The following HOMER1 variants were observed in gnomAD, a reference collection of about 807,000 sequenced individuals.
HOMER1 encodes homer protein homolog 1.
In HOMER1, 3 loss-of-function variants were observed where a neutral mutation model predicts 48.9. That is an observed-to-expected ratio of 0.06 (90% CI 0.03 to 0.16). HOMER1 has a LOEUF of 0.16. Among genes scored for constraint, HOMER1 ranks in the 10% least tolerant of loss-of-function variants. The probability of loss-of-function intolerance (pLI) is 1.00; values close to 1 mark genes in which losing one functional copy is unlikely to be tolerated. For synonymous variants in HOMER1, 134 were observed against 146.4 expected, an observed-to-expected ratio of 0.92 and a Z score of 0.61; for missense variants, 247 against 411.4, an observed-to-expected ratio of 0.60 and a Z score of 3.46.
intron 1 of HOMER1, among the ~76,000 whole-genome samples, chr5:79,491,906 G>A (rs985489446): frequency 5.9e-5 from 9 of 152,134 alleles, no homozygotes; most frequent in Admixed American, 2.0e-4. Flanking sequence ...CAAAACCTAA[G>A]TAACTTGCCC....
chr5:79,429,998 G>C (rs576304166), intron 5 of HOMER1, among the ~76,000 whole-genome samples: 1 of 150,744 alleles, frequency 6.6e-6, no homozygotes, highest in Admixed American at 6.6e-5. Flanking sequence ...ACTCCAGCCT[G>C]GGGGACAGAG....
chr5:79,376,710 C>G (rs1003511670), intron 8 of HOMER1, among the ~76,000 whole-genome samples: 1 of 152,022 alleles, frequency 6.6e-6, no homozygotes, highest in Non-Finnish European at 1.5e-5. Context: ...TTTGCTTTGC[C>G]TCAATATCAA....
At chr5:79,392,988 A>AGAGAGAGAGAGG (rs56107183) in intron 8 of HOMER1, among the ~76,000 whole-genome samples, 2 of 134,670 alleles carry the variant, frequency 1.5e-5, no homozygotes, top group African/African-American at 2.8e-5. Flanking sequence ...AGAGAGAGAG[A>AGAGAGAGAGAGG]AGAGAGCCAT....
At chr5:79,486,087 T>C (rs957344655) in intron 1 of HOMER1, among the ~76,000 whole-genome samples, 1 of 152,128 alleles carries the variant, frequency 6.6e-6, no homozygotes, top group African/African-American at 2.4e-5. Context: ...TGGAGAGGAA[T>C]CAAGAGGAAT....
rs201147708 is a variant in HOMER1 at position 79,456,856 on chromosome 5, G to A, written c.162+6C>T. Reference sequence around the variant, plus strand: ...AGCCAAATCATTCAAAGTAAACGTAGCTTACCTTTGAGCCATCTAAACTGA... The same window carrying A: ...AGCCAAATCATTCAAAGTAAACGTAACTTACCTTTGAGCCATCTAAACTGA... On this transcript the variant is annotated splice_donor_region_variant and intron_variant, in intron 2 of 8. Coordinates refer to ENST00000334082, the MANE Select transcript of HOMER1 (RefSeq NM_004272.5). The A allele has an allele frequency of 9.9e-6, 16 of 1,610,116 alleles. No homozygotes were observed. Among genetic ancestry groups the A allele is most frequent in the Non-Finnish European group, 1.3e-5 (15 of 1,177,382 alleles).
At chr5:79,502,288 G>T (rs1752617236) in intron 1 of HOMER1, among the ~76,000 whole-genome samples, 1 of 152,018 alleles carries the variant, frequency 6.6e-6, no homozygotes, top group Non-Finnish European at 1.5e-5. Context: ...AAAGTGCTGG[G>T]ATTACAGACG....
chr5:79,509,183 A>C (rs1752864359), intron 1 of HOMER1, among the ~76,000 whole-genome samples: 1 of 152,176 alleles, frequency 6.6e-6, no homozygotes. Context: ...TGCTTCTGGA[A>C]GTTATTTGGG....
At chr5:79,480,751 G>C (rs1403178676) in intron 1 of HOMER1, among the ~76,000 whole-genome samples, 1 of 152,150 alleles carries the variant, frequency 6.6e-6, no homozygotes, top group Non-Finnish European at 1.5e-5. Flanking sequence ...AAACCCACAA[G>C]TATGAAACAT....
chr5:79,446,804 A>ATT (rs35036295), intron 4 of HOMER1, among the ~76,000 whole-genome samples: 2,272 of 101,642 alleles, frequency 0.022, 91 homozygotes, highest in African/African-American at 0.078. Context: ...CACTTGGCTA[A>ATT]TTTTTTTTTT....
At chr5:79,433,728 T>C (rs888087009) in intron 5 of HOMER1, among the ~76,000 whole-genome samples, 2 of 152,218 alleles carry the variant, frequency 1.3e-5, no homozygotes, top group African/African-American at 2.4e-5. Context: ...ATTTAGTTTT[T>C]GAAATTGCAC....
intron 8 of HOMER1, among the ~76,000 whole-genome samples, chr5:79,381,841 T>C (rs1748989109): frequency 6.6e-6 from 1 of 151,342 alleles, no homozygotes. Flanking sequence ...GCCAAGATCA[T>C]GCCACTGCGC....
At chr5:79,436,984 ACT>A (rs1580450722) in intron 5 of HOMER1, among the ~76,000 whole-genome samples, 1 of 152,304 alleles carries the variant, frequency 6.6e-6, no homozygotes, top group East Asian at 1.9e-4. Context: ...TATATTCAGA[ACT>A]CTGTCAAGTA....
At position 79,376,203 on chromosome 5, in the gene HOMER1, G is replaced by A; in HGVS notation, c.877-6C>T. ...TTGTTCCGAATTTCTACTTCCTTCA[G>A]AAACAAAAGTGTAACATGTATATAT... is the stretch of plus-strand genomic sequence containing the variant. On this transcript the variant is annotated splice_polypyrimidine_tract_variant and splice_region_variant and intron_variant, in intron 8 of 8. Coordinates refer to ENST00000334082, the MANE Select transcript of HOMER1 (RefSeq NM_004272.5). 6.2e-7 allele frequency: 1 copy of A among 1,605,946 alleles called. No individual in the cohort carries two copies.
rs149490957 is a variant in HOMER1 at position 79,377,692 on chromosome 5, G to A, written c.877-1495C>T. Among the ~76,000 whole-genome samples the A allele has an allele frequency of 4.2e-3, 635 of 152,204 alleles. 7 individuals are homozygous for A. The highest frequency in any genetic ancestry group is 0.015 in the African/African-American group (609 of 41,506). ...GAAATTTTAAAAAAATTAGATCACT[G>A]AAAGACAATCTGGTAAATGTTAAAT... On this transcript the variant is annotated intron_variant, in intron 8 of 8. Coordinates refer to ENST00000334082, the MANE Select transcript of HOMER1 (RefSeq NM_004272.5).
chr5:79,496,294 T>C (rs1707079508), intron 1 of HOMER1, among the ~76,000 whole-genome samples: 1 of 152,144 alleles, frequency 6.6e-6, no homozygotes, highest in Non-Finnish European at 1.5e-5. Context: ...CCTTTTCCAA[T>C]AGCAGAAGAC....
intron 1 of HOMER1, among the ~76,000 whole-genome samples, chr5:79,498,835 C>CG (rs1752495138): frequency 7.5e-6 from 1 of 133,916 alleles, no homozygotes; most frequent in South Asian, 2.5e-4. Context: ...CAGGTCTCCA[C>CG]TTTTTTTTTT....
In HOMER1 at chr5:79,401,881, C is replaced by T. The variant is rs1749545090; in HGVS notation, c.684+18G>A. On this transcript the variant is annotated intron_variant, in intron 6 of 8. Coordinates refer to ENST00000334082, the MANE Select transcript of HOMER1 (RefSeq NM_004272.5). ...CCTGTTAGCCCTAAATCCCTATAGA[C>T]ATCAGCCCTGAAATTACCCGCTTGT... is the stretch of plus-strand genomic sequence containing the variant. The T allele has an allele frequency of 1.2e-6, 2 of 1,612,696 alleles. No individual in the cohort carries two copies. The highest frequency in any genetic ancestry group is 1.3e-5 in the African/African-American group (1 of 74,896).
intron 1 of HOMER1, among the ~76,000 whole-genome samples, chr5:79,458,527 T>A (rs1217757101): frequency 6.6e-6 from 1 of 151,858 alleles, no homozygotes; most frequent in Non-Finnish European, 1.5e-5. Context: ...CACGGCAAAA[T>A]GGCTCTTAAG....
intron 5 of HOMER1, among the ~76,000 whole-genome samples, chr5:79,419,161 C>A (rs888379451): frequency 6.6e-6 from 1 of 151,766 alleles, no homozygotes; most frequent in Non-Finnish European, 1.5e-5. Context: ...ATCATTAATA[C>A]CTGAAAGACT....
Sources: allele counts gnomAD v4.1 joint callset (sites outside exome capture counted in the v4.1 genomes callset), GRCh38; gene constraint gnomAD v4.1.1; transcripts MANE v1.5; gene names NCBI Gene and HGNC (gene_info 2026-07-23, HGNC 2026-07-21).